GABRG3: variants seen among roughly 807,000 people sequenced by gnomAD.
GABRG3 encodes the protein gamma-aminobutyric acid receptor subunit gamma-3.
GABRG3 carries 25 observed loss-of-function variants against 48.8 expected under a neutral mutation model. The ratio of observed to expected loss-of-function variants is 0.51; its 90% CI spans 0.37 to 0.72. GABRG3 has a LOEUF of 0.72. GABRG3 is among the 30% of genes least tolerant of loss of function. GABRG3 has a pLI of 0.00. For missense variants in GABRG3, 394 were observed against 577.9 expected (o/e 0.68, Z 3.26); for synonymous variants, 227 against 217.6 (o/e 1.04, Z -0.38).
chr15:27,442,504 G>C (rs146564616), intron 5 of GABRG3, among the ~76,000 whole-genome samples: 189 of 152,310 alleles, frequency 1.2e-3, no homozygotes, highest in Admixed American at 0.012. Context: ...GCCCTGGGGA[G>C]AGGAACCCAC....
Position 27,457,801 on chromosome 15 carries a change from A to G in GABRG3, c.575-22849A>G, listed in dbSNP as rs34078361. ...TGTTTCACAAGGGGCTCTAAAGGAC[A>G]GAATGTATTTGTCAAAGCACCTGTG... On this transcript the variant is annotated intron_variant, in intron 5 of 9. Coordinates refer to ENST00000615808, the MANE Select transcript of GABRG3 (RefSeq NM_033223.5). The surrounding 1 kb of genome is among the most constrained non-coding windows in gnomAD (Gnocchi z 4.4). Among the ~76,000 whole-genome samples the G allele has an allele frequency of 0.3, 45,455 of 152,124 alleles. 7,970 individuals are homozygous for G. The highest frequency in any genetic ancestry group is 0.46 in the African/African-American group (19,168 of 41,470).
At chr15:27,509,672 T>G (rs1890851661) in intron 6 of GABRG3, among the ~76,000 whole-genome samples, 1 of 152,182 alleles carries the variant, frequency 6.6e-6, no homozygotes, top group Non-Finnish European at 1.5e-5. Context: ...CATTTTTGAT[T>G]TCTTGTACTT....
At chr15:27,458,539 TGAG>T (rs1889354797) in intron 5 of GABRG3, among the ~76,000 whole-genome samples, 2 of 152,164 alleles carry the variant, frequency 1.3e-5, no homozygotes, top group Non-Finnish European at 2.9e-5. Flanking sequence ...CCTCGCAATT[TGAG>T]GAGATGCAAG....
chr15:27,423,721 CTTTTT>C (rs542775399), intron 5 of GABRG3, among the ~76,000 whole-genome samples: 2 of 81,788 alleles, frequency 2.4e-5, no homozygotes, highest in Non-Finnish European at 4.5e-5. Context: ...TTTTCTTTTC[CTTTTT>C]TTTTTTTTTT....
chr15:27,140,232 G>A (rs746943361), intron 3 of GABRG3, among the ~76,000 whole-genome samples: 20 of 152,154 alleles, frequency 1.3e-4, no homozygotes, highest in Non-Finnish European at 2.8e-4. Flanking sequence ...GTGACTGGTG[G>A]CAAGTGCGGG....
chr15:27,080,767 C>T (rs1052107927), intron 3 of GABRG3, among the ~76,000 whole-genome samples: 1 of 152,340 alleles, frequency 6.6e-6, no homozygotes, highest in Non-Finnish European at 1.5e-5. Flanking sequence ...TGTGAGTTTC[C>T]AATCTCTCCC....
intron 3 of GABRG3, among the ~76,000 whole-genome samples, chr15:27,145,770 T>C (rs957598076): frequency 5.3e-5 from 8 of 152,068 alleles, no homozygotes; most frequent in African/African-American, 1.7e-4. Flanking sequence ...GTAATCTCAA[T>C]GGACTCTCAA....
chr15:27,399,053 C>T (rs756786044), intron 5 of GABRG3, among the ~76,000 whole-genome samples: 17 of 152,156 alleles, frequency 1.1e-4, no homozygotes, highest in Non-Finnish European at 1.6e-4. Context: ...GAAAATTGAG[C>T]ATGGCAGACC....
intron 3 of GABRG3, among the ~76,000 whole-genome samples, chr15:27,290,549 C>T (rs144287704): frequency 2.0e-5 from 3 of 151,848 alleles, no homozygotes; most frequent in Non-Finnish European, 4.4e-5. Context: ...ACCACTGCAC[C>T]TCTGTGTATC....
chr15:27,384,458 A>C (rs1895864434), intron 5 of GABRG3, among the ~76,000 whole-genome samples: 1 of 152,198 alleles, frequency 6.6e-6, no homozygotes, highest in South Asian at 2.1e-4. Context: ...TTTGAAAACT[A>C]CTAAGAACAA....
At chr15:27,298,128 A>C (rs1332605333) in intron 3 of GABRG3, among the ~76,000 whole-genome samples, 2 of 152,194 alleles carry the variant, frequency 1.3e-5, no homozygotes, top group Admixed American at 1.3e-4. Flanking sequence ...TATGAATAAC[A>C]AATGTGAATG....
chr15:27,200,071 T>G (rs1343021484), intron 3 of GABRG3, among the ~76,000 whole-genome samples: 1 of 148,620 alleles, frequency 6.7e-6, no homozygotes, highest in Admixed American at 6.8e-5. Flanking sequence ...CTTCCTTTCT[T>G]TCCAGAATCC....
At chr15:26,987,613 A>G (rs933497180) in intron 2 of GABRG3, among the ~76,000 whole-genome samples, 3 of 152,212 alleles carry the variant, frequency 2.0e-5, no homozygotes, top group African/African-American at 7.2e-5. Flanking sequence ...AACCGCCGGA[A>G]GAGCTGGAAG....
intron 5 of GABRG3, among the ~76,000 whole-genome samples, chr15:27,410,518 G>T (rs1357603755): frequency 6.6e-6 from 1 of 152,104 alleles, no homozygotes; most frequent in Non-Finnish European, 1.5e-5. Context: ...TTCTTTTCCA[G>T]AAGGTTTAAA....
intron 3 of GABRG3, among the ~76,000 whole-genome samples, chr15:27,202,267 A>AT (rs544890226): frequency 8.0e-4 from 121 of 151,830 alleles, no homozygotes; most frequent in Middle Eastern, 3.4e-3. Context: ...CTATACATTC[A>AT]TTTTTTTTCT....
chr15:27,470,611 A>G lies in GABRG3; in HGVS notation c.575-10039A>G, dbSNP rs183936370. Among the ~76,000 whole-genome samples the G allele has an allele frequency of 5.7e-4, 84 of 146,820 alleles. 1 individual carries two copies. Among genetic ancestry groups the G allele is most frequent in the Admixed American group, 3.3e-3 (49 of 14,778 alleles). ...TTCACAGTTTCTACCTTTTCATCCT[A>G]TTGGATTTTTGGTCTTATTTTTCTT... is the stretch of plus-strand genomic sequence containing the variant. On this transcript the variant is annotated intron_variant, in intron 5 of 9. Coordinates refer to ENST00000615808, the MANE Select transcript of GABRG3 (RefSeq NM_033223.5).
intron 5 of GABRG3, among the ~76,000 whole-genome samples, chr15:27,406,445 A>C (rs1887635921): frequency 6.6e-6 from 1 of 152,164 alleles, no homozygotes; most frequent in Non-Finnish European, 1.5e-5. Flanking sequence ...GGTGACCCTC[A>C]CCAGTGATGA....
intron 3 of GABRG3, among the ~76,000 whole-genome samples, chr15:27,315,921 T>C (rs1254053796): frequency 6.6e-6 from 1 of 152,226 alleles, no homozygotes; most frequent in Non-Finnish European, 1.5e-5. Flanking sequence ...TCTTGGTCTT[T>C]GTAGATGCAG....
chr15:27,362,745 A>C (rs1361736964), intron 5 of GABRG3: 3 of 152,192 alleles, frequency 2.0e-5, no homozygotes, highest in Non-Finnish European at 4.4e-5. Context: ...CATCATGTTC[A>C]GGTTTAAGTT....
Sources: gnomAD v4.1 joint callset for allele counts (sites outside exome capture counted in the v4.1 genomes callset) on GRCh38, gnomAD v4.1.1 for gene constraint, Gnocchi (gnomAD v3.1) non-coding constraint, MANE v1.5 for transcripts, NCBI Gene and HGNC (gene_info 2026-07-23, HGNC 2026-07-21) for gene names.